Variants in WASF2 observed in about 807,000 individuals in gnomAD.
WASF2 encodes the protein WASP family member 2.
Under a neutral mutation model 45.0 loss-of-function variants are expected in WASF2, and 14 were observed. The ratio of observed to expected loss-of-function variants is 0.31; its 90% CI spans 0.21 to 0.49. WASF2 has a LOEUF of 0.49. WASF2 is among the 20% of genes least tolerant of loss of function. WASF2 has a pLI of 0.99. For synonymous variants in WASF2, 200 were observed against 236.3 expected (o/e 0.85, Z 1.41); for missense variants, 439 against 636.1 (o/e 0.69, Z 3.33).
In WASF2 at chr1:27,423,619, C is replaced by T. The variant is rs112609748; in HGVS notation, c.131-4531G>A. ...AGTGTGATACTGAACTAGGAAAAAC[C>T]AAAGTGTCTTGTTCAGAGTTAAATT... On this transcript the variant is annotated intron_variant, in intron 2 of 8. Coordinates refer to ENST00000618852, the MANE Select transcript of WASF2 (RefSeq NM_006990.5). Among the ~76,000 whole-genome samples, 861 of 152,266 alleles carry T rather than the reference C, an allele frequency of 5.7e-3. 6 individuals carry two copies. The highest frequency in any genetic ancestry group is 0.019 in the African/African-American group (770 of 41,556).
intron 1 of WASF2, among the ~76,000 whole-genome samples, chr1:27,476,179 A>G (rs758981268): frequency 3.3e-5 from 5 of 152,228 alleles, no homozygotes; most frequent in Admixed American, 6.5e-5. Flanking sequence ...GGTAACACAT[A>G]TACACATCTG....
At position 27,410,529 on chromosome 1, in the gene WASF2, G is replaced by A. The variant is rs1428520711; in HGVS notation, c.825-323C>T. ...CCCCTCTGCCTTTCCAGCTCTAAGG[G>A]GAAGGCACCCTCCCTCCCCTTCCCT... On this transcript the variant is annotated intron_variant, in intron 7 of 8. Coordinates refer to ENST00000618852, the MANE Select transcript of WASF2 (RefSeq NM_006990.5). This position sits in a 1 kb window ranked among gnomAD's most constrained non-coding sequence, Gnocchi z 4.2. Among the ~76,000 whole-genome samples, 1 of 152,152 alleles carries A rather than the reference G, an allele frequency of 6.6e-6. No individual in the cohort carries two copies. Among genetic ancestry groups the A allele is most frequent in the African/African-American group, 2.4e-5 (1 of 41,434 alleles).
chr1:27,467,232 A>C (rs1337811227), intron 1 of WASF2, among the ~76,000 whole-genome samples: 4 of 146,758 alleles, frequency 2.7e-5, no homozygotes, highest in Non-Finnish European at 6.0e-5. Context: ...AAAAAAAAAA[A>C]CCAAAACACA....
chr1:27,432,647 C>CAAAAAA (rs558826790), intron 1 of WASF2, among the ~76,000 whole-genome samples: 40 of 51,232 alleles, frequency 7.8e-4, no homozygotes, highest in East Asian at 2.8e-3. Flanking sequence ...AACTCTGTCT[C>CAAAAAA]AAAAAAAAAA....
intron 1 of WASF2, among the ~76,000 whole-genome samples, chr1:27,430,244 A>G (rs1041317656): frequency 3.3e-5 from 5 of 152,258 alleles, no homozygotes; most frequent in Non-Finnish European, 7.3e-5. Context: ...ACATCTTATA[A>G]AACTAAAGAA....
chr1:27,423,798 C>G (rs368110518), intron 2 of WASF2, among the ~76,000 whole-genome samples: 2 of 152,178 alleles, frequency 1.3e-5, no homozygotes, highest in Admixed American at 1.3e-4. Context: ...GGAAGTAGAA[C>G]AGGTAAAACT....
chr1:27,479,489 T>A (rs142535162), intron 1 of WASF2, among the ~76,000 whole-genome samples: 25 of 152,332 alleles, frequency 1.6e-4, no homozygotes, highest in African/African-American at 5.3e-4. Context: ...AAAAGACATT[T>A]CAATTTCAAA....
At chr1:27,483,320 A>C (rs1445421855) in intron 1 of WASF2, among the ~76,000 whole-genome samples, 2 of 152,094 alleles carry the variant, frequency 1.3e-5, no homozygotes, top group African/African-American at 4.8e-5. Flanking sequence ...AAATGCAAAA[A>C]TTAGCCAGGC....
At chr1:27,463,407 T>C (rs915336411) in intron 1 of WASF2, among the ~76,000 whole-genome samples, 1 of 151,558 alleles carries the variant, frequency 6.6e-6, no homozygotes, top group African/African-American at 2.4e-5. Context: ...AGGCGGATCT[T>C]GAGGTCAGGA....
chr1:27,434,904 C>T (rs2017111261), intron 1 of WASF2, among the ~76,000 whole-genome samples: 1 of 152,156 alleles, frequency 6.6e-6, no homozygotes, highest in South Asian at 2.1e-4. Flanking sequence ...TTAAGGTCCC[C>T]TCAAACAGTG....
chr1:27,412,857 A>G (rs1021339651), intron 6 of WASF2, 130 bp from the exon 7 acceptor site: 5 of 1,027,996 alleles, frequency 4.9e-6, no homozygotes, highest in Non-Finnish European at 7.2e-6. Flanking sequence ...TATATTTCCC[A>G]CATATTTTCT....
intron 1 of WASF2, among the ~76,000 whole-genome samples, chr1:27,458,042 G>A (rs2017496082): frequency 6.6e-6 from 1 of 152,018 alleles, no homozygotes; most frequent in Admixed American, 6.6e-5. Context: ...GGGCGCGGTG[G>A]CTCATGCCTG....
chr1:27,408,470 G>T, intron 8 of WASF2, 124 bp from the exon 9 acceptor site: 3 of 1,309,034 alleles, frequency 2.3e-6, no homozygotes, highest in Admixed American at 2.8e-5. Context: ...AGAAAAAGAA[G>T]GTTGTTATGG....
chr1:27,425,998 A>G (rs1040871212), intron 2 of WASF2, among the ~76,000 whole-genome samples: 8 of 152,124 alleles, frequency 5.3e-5, no homozygotes, highest in Non-Finnish European at 1.2e-4. Flanking sequence ...CCTAGGCAAC[A>G]AGAGCAAAAC....
At chr1:27,428,435 C>T (rs750684965) in intron 2 of WASF2, among the ~76,000 whole-genome samples, 9 of 152,226 alleles carry the variant, frequency 5.9e-5, no homozygotes, top group Non-Finnish European at 1.2e-4. Context: ...GTGAACCTCC[C>T]ACTTTACACA....
chr1:27,441,202 ATACT>A (rs1213678915), intron 1 of WASF2, among the ~76,000 whole-genome samples: 3 of 152,058 alleles, frequency 2.0e-5, no homozygotes, highest in African/African-American at 7.2e-5. Context: ...GGATATACAA[ATACT>A]TACTGGCTGG....
chr1:27,417,881 G>A (rs56362645), intron 4 of WASF2, among the ~76,000 whole-genome samples: 18,943 of 148,210 alleles, frequency 0.13, 1,630 homozygotes, highest in Non-Finnish European at 0.19. Context: ...CCAAGTAAGT[G>A]GGAGCCTTGC....
Position 27,453,002 on chromosome 1 carries a change from T to C in WASF2, c.-43-24069A>G, listed in dbSNP as rs546829166. ...GGGTGGATCACCTGAAGTCAGGAGC[T>C]TGAGACCAGCCTGGTCAACATGGTG... is the stretch of plus-strand genomic sequence containing the variant. On this transcript the variant is annotated intron_variant, in intron 1 of 8. Coordinates refer to ENST00000618852, the MANE Select transcript of WASF2 (RefSeq NM_006990.5). Among the ~76,000 whole-genome samples, 197 of 149,392 alleles carry C rather than the reference T, an allele frequency of 1.3e-3. 2 individuals are homozygous for C. The highest frequency in any genetic ancestry group is 7.0e-3 in the Middle Eastern group (2 of 284).
chr1:27,426,513 AT>A lies in WASF2; in HGVS notation c.130+2247del, dbSNP rs71785131. 7.2e-3 allele frequency among the ~76,000 whole-genome samples: 1,043 copies of A among 145,306 alleles called. 17 individuals are homozygous for A. The highest frequency in any genetic ancestry group is 0.016 in the East Asian group (81 of 5,002). On this transcript the variant is annotated intron_variant, in intron 2 of 8. Coordinates refer to ENST00000618852, the MANE Select transcript of WASF2 (RefSeq NM_006990.5). Reference sequence around the variant, plus strand: ...GTATCTCTTTAGGCAAGTTAACTTAATTTTTTTTTTTTTTTGAGATGAAGTC... The same window carrying A: ...GTATCTCTTTAGGCAAGTTAACTTAATTTTTTTTTTTTTTGAGATGAAGTC...
Sources: gnomAD v4.1 joint callset for allele counts (sites outside exome capture counted in the v4.1 genomes callset) on GRCh38, gnomAD v4.1.1 for gene constraint, Gnocchi (gnomAD v3.1) non-coding constraint, MANE v1.5 for transcripts, NCBI Gene and HGNC (gene_info 2026-07-23, HGNC 2026-07-21) for gene names.